GRIPAP1: variants seen among roughly 807,000 people sequenced by gnomAD.
The protein encoded by GRIPAP1 is GRIP1-associated protein 1.
A neutral mutation model predicts 84.1 loss-of-function variants in GRIPAP1; 14 were observed. The ratio of observed to expected loss-of-function variants is 0.17; its 90% CI spans 0.11 to 0.26. The LOEUF (loss-of-function observed/expected upper bound fraction) is 0.26, where lower values mean the gene tolerates loss of function less well. GRIPAP1 is among the 10% of genes least tolerant of loss of function. The pLI is 1.00. For missense variants in GRIPAP1, 518 were observed against 674.2 expected (o/e 0.77, Z 2.57); for synonymous variants, 261 against 256.8 (o/e 1.02, Z -0.15).
intron 13 of GRIPAP1, among the ~76,000 whole-genome samples, chrX:48,985,771 T>C (rs1557063553): frequency 9.1e-6 from 1 of 110,375 alleles, no homozygotes; most frequent in Non-Finnish European, 1.9e-5. Context: ...GTACTGACTT[T>C]GAAGGGGTAA....
chrX:48,989,953 T>C lies in GRIPAP1; in HGVS notation c.722+19A>G. 3.3e-6 allele frequency: 4 copies of C among 1,205,176 alleles called. No individual in the cohort carries two copies. In the African/African-American group the frequency reaches 5.2e-5, roughly 16 times the overall value. ...ATTCCCCCCTCGGCCCCCAGTACCC[T>C]TGGGAAAAAGAAATTTACCTTTCTT... On this transcript the variant is annotated intron_variant, in intron 9 of 25. Transcript: ENST00000376423.
At chrX:48,989,778 A>C (rs112188259) in intron 10 of GRIPAP1, 57 bp downstream of exon 10, 1 of 1,148,611 alleles carries the variant, frequency 8.7e-7, no homozygotes, top group African/African-American at 1.8e-5. Flanking sequence ...CTGCCCCTGT[A>C]ATCTTCACTG....
chrX:49,001,648 A>T (rs2064580952), intron 1 of GRIPAP1, among the ~76,000 whole-genome samples: 1 of 109,407 alleles, frequency 9.1e-6, no homozygotes, highest in African/African-American at 3.3e-5. Flanking sequence ...ACTACCAACC[A>T]CCAATGGCAC....
chrX:48,999,212 G>C (rs181244326), intron 3 of GRIPAP1, 26 bp downstream of exon 3: 4 of 1,146,216 alleles, frequency 3.5e-6, no homozygotes, highest in Admixed American at 4.4e-5. Flanking sequence ...GGATGGGTAG[G>C]TGGATGGGTG....
At chrX:48,994,368 C>A (rs955582692) in intron 5 of GRIPAP1, among the ~76,000 whole-genome samples, 1 of 109,919 alleles carries the variant, frequency 9.1e-6, no homozygotes, top group Non-Finnish European at 1.9e-5. Context: ...GGACTACAGG[C>A]ATGCGCCACC....
At chrX:48,975,702 G>C in intron 24 of GRIPAP1, 3 of 350,722 alleles carry the variant, frequency 8.6e-6, no homozygotes, top group Non-Finnish European at 1.5e-5. Flanking sequence ...ATGAAGGAGT[G>C]GGGTGAAAAA....
In GRIPAP1 at chrX:48,983,072, C is replaced by T; in HGVS notation, c.1506G>A (p.Glu502=). ...GTTCTTCCACTGTCTGCTGGAGAGT[C>T]TCCAGCTCCCGTGTCCGGGCCTGGG... ...REEKARTREL[E]TLQQTVEELQ... is the part of the protein sequence containing the mutation. The change falls in exon 17 of 26, where the codon GAG becomes GAA. Residue 502 remains glutamate, a synonymous_variant. Coordinates refer to ENST00000376423, the MANE Select transcript of GRIPAP1 (RefSeq NM_020137.5). 8.3e-7 allele frequency: 1 copy of T among 1,204,873 alleles called. No individual in the cohort carries two copies. The highest frequency in any genetic ancestry group is 1.1e-6 in the Non-Finnish European group (1 of 888,731).
intron 5 of GRIPAP1, among the ~76,000 whole-genome samples, chrX:48,994,719 TAAC>T (rs1430145016): frequency 1.1e-4 from 12 of 111,933 alleles, no homozygotes; most frequent in Non-Finnish European, 2.1e-4. Flanking sequence ...TTTTCTTTTG[TAAC>T]AAGCACAGAT....
chrX:48,988,288 A>G, intron 11 of GRIPAP1, 90 bp from the exon 12 acceptor site: 1 of 619,335 alleles, frequency 1.6e-6, no homozygotes, highest in Non-Finnish European at 2.6e-6. Context: ...ACCCAGCAGC[A>G]TGTTCTCAGC....
chrX:48,996,836 A>T (rs2064549547), intron 5 of GRIPAP1, among the ~76,000 whole-genome samples: 1 of 111,698 alleles, frequency 9.0e-6, no homozygotes, highest in African/African-American at 3.3e-5. Context: ...AATTATCTGG[A>T]AGAGGTAGAA....
At chrX:48,992,922 A>G (rs1051101397) in intron 6 of GRIPAP1, among the ~76,000 whole-genome samples, 5 of 109,509 alleles carry the variant, frequency 4.6e-5, no homozygotes, top group Non-Finnish European at 9.5e-5. Context: ...CCAGGTTCAC[A>G]CCATTCTCCT....
chrX:48,986,813 G>A (rs1337171281), intron 13 of GRIPAP1, among the ~76,000 whole-genome samples: 1 of 111,809 alleles, frequency 8.9e-6, no homozygotes, highest in Non-Finnish European at 1.9e-5. Flanking sequence ...TTACAGGTGT[G>A]AGCCATCATG....
At chrX:48,977,705 G>T (rs1224425565) in intron 22 of GRIPAP1, 1 of 104,690 alleles carries the variant, frequency 9.6e-6, no homozygotes, top group Non-Finnish European at 2.0e-5. Flanking sequence ...TTTTGTTTTT[G>T]TTTTTTTTTT....
At chrX:48,979,076 G>A (rs2064439000) in intron 21 of GRIPAP1, among the ~76,000 whole-genome samples, 1 of 109,942 alleles carries the variant, frequency 9.1e-6, no homozygotes, top group African/African-American at 3.3e-5. Flanking sequence ...AGCTAGAGAG[G>A]GCACAGGGCA....
In GRIPAP1 at chrX:48,976,370, G is replaced by A. The variant is rs376445423; in HGVS notation, c.2062-7C>T. ...GAGGGCTGCTGGATAAGGACTGCAG[G>A]AAAGAGAAGGGGAGAGGCCAGCCCC... On this transcript the variant is annotated splice_polypyrimidine_tract_variant and splice_region_variant and intron_variant, in intron 22 of 25. Transcript: ENST00000376423. 11 of 1,196,889 alleles carry A rather than the reference G, an allele frequency of 9.2e-6. No individual in the cohort carries two copies. The highest frequency in any genetic ancestry group is 1.2e-5 in the Non-Finnish European group (11 of 888,136).
Position 48,991,153 on chromosome X carries a change from T to G in GRIPAP1, c.458-43A>C, listed in dbSNP as rs782731965. 7.3e-6 allele frequency: 7 copies of G among 962,766 alleles called. 1 individual carries two copies. In the East Asian group the frequency reaches 2.1e-4, roughly 30 times the overall value. The allele number at this position is 962,766 out of a possible 1,213,427, so 79.3% of individuals were successfully genotyped here. A position where few individuals can be genotyped will look rare whatever the true frequency, so the allele number is the denominator to read the frequency against. Reference sequence around the variant, plus strand: ...GATATATGATGGATGAGGTGGTCTCTGAAGTCCCTTGCCATGCCTCGAATA... The same window carrying G: ...GATATATGATGGATGAGGTGGTCTCGGAAGTCCCTTGCCATGCCTCGAATA... On this transcript the variant is annotated intron_variant, in intron 6 of 25. Transcript: ENST00000376423.
chrX:48,994,136 A>G (rs1175880386), intron 5 of GRIPAP1, among the ~76,000 whole-genome samples: 2 of 111,231 alleles, frequency 1.8e-5, no homozygotes, highest in Non-Finnish European at 3.8e-5. Context: ...AGCAGTCCTG[A>G]GAAAATTCCT....
rs782815553 is a variant in GRIPAP1, at chrX:48,981,585, T to C, written c.1773+11A>G. On this transcript the variant is annotated intron_variant, in intron 19 of 25. Coordinates refer to ENST00000376423, the MANE Select transcript of GRIPAP1 (RefSeq NM_020137.5). ...CAGGGGTGTGTCTGGGGCTGTGCAG[T>C]GACCACTGACCTGCTTCAGGCTGCT... The C allele has an allele frequency of 2.4e-5, 29 of 1,184,408 alleles. No individual in the cohort carries two copies. Among genetic ancestry groups the C allele is most frequent in the Middle Eastern group, 4.6e-4 (2 of 4,310 alleles).
chrX:48,995,292 G>A (rs1321349440), intron 5 of GRIPAP1, among the ~76,000 whole-genome samples: 3 of 111,806 alleles, frequency 2.7e-5, no homozygotes, highest in Admixed American at 1.9e-4. Context: ...AAGAATGTCT[G>A]CCCCTGCCTC....
Sources: allele counts gnomAD v4.1 joint callset (sites outside exome capture counted in the v4.1 genomes callset), GRCh38; gene constraint gnomAD v4.1.1; transcripts MANE v1.5; gene names NCBI Gene and HGNC (gene_info 2026-07-23, HGNC 2026-07-21).